Variants in PIBF1 observed in about 807,000 individuals in gnomAD.
PIBF1 encodes the protein progesterone immunomodulatory binding factor 1, also known as progesterone-induced-blocking factor 1.
PIBF1 carries 90 observed loss-of-function variants against 112.5 expected under a neutral mutation model. The observed-to-expected ratio is 0.80, with a 90% confidence interval of 0.67 to 0.95. PIBF1 has a LOEUF of 0.95. Among genes scored for constraint, PIBF1 ranks in the 40% least tolerant of loss-of-function variants. The pLI is 0.00. For missense variants in PIBF1, 915 were observed against 852.3 expected (o/e 1.07, Z -0.92); for synonymous variants, 301 against 288.6 (o/e 1.04, Z -0.44).
At chr13:72,949,679 A>G (rs2042246986) in intron 14 of PIBF1, among the ~76,000 whole-genome samples, 1 of 152,272 alleles carries the variant, frequency 6.6e-6, no homozygotes, top group Middle Eastern at 3.4e-3. Flanking sequence ...TTACATAGCA[A>G]CCCAGTGCCC....
chr13:72,974,992 A>T (rs1426832802), intron 16 of PIBF1, among the ~76,000 whole-genome samples: 2 of 152,046 alleles, frequency 1.3e-5, no homozygotes, highest in African/African-American at 4.8e-5. Context: ...TTTTCTACTG[A>T]ACTATCACTG....
rs139149905 is a variant in PIBF1, at chr13:72,838,278, A to G, written c.1223+2910A>G. 1.5e-3 allele frequency among the ~76,000 whole-genome samples: 221 copies of G among 152,346 alleles called. 1 individual carries two copies. Among genetic ancestry groups the G allele is most frequent in the African/African-American group, 4.8e-3 (199 of 41,578 alleles). On this transcript the variant is annotated intron_variant, in intron 9 of 17. Transcript: ENST00000326291. The stretch of plus-strand genomic sequence containing the variant: ...AAAGACAAATAGAGAAACAATTATC[A>G]TAAGTATGATGATGATGGACAAAAT...
At chr13:72,965,014 A>G (rs992309974) in intron 14 of PIBF1, among the ~76,000 whole-genome samples, 6 of 152,212 alleles carry the variant, frequency 3.9e-5, no homozygotes, top group Non-Finnish European at 8.8e-5. Flanking sequence ...GTGAGCCGAG[A>G]TCGCGCCACT....
intron 14 of PIBF1, among the ~76,000 whole-genome samples, chr13:72,952,727 C>A (rs891948087): frequency 1.2e-4 from 18 of 149,206 alleles, no homozygotes; most frequent in African/African-American, 4.0e-4. Flanking sequence ...TGTGAAGACT[C>A]TGAGTTCCTT....
chr13:72,816,524 A>G (rs992487882), intron 5 of PIBF1, among the ~76,000 whole-genome samples: 1 of 151,906 alleles, frequency 6.6e-6, no homozygotes, highest in Non-Finnish European at 1.5e-5. Flanking sequence ...CTAACTGAGC[A>G]TGGTGGCATG....
intron 5 of PIBF1, among the ~76,000 whole-genome samples, chr13:72,807,768 C>A (rs1211284257): frequency 1.3e-5 from 2 of 152,064 alleles, no homozygotes; most frequent in Non-Finnish European, 2.9e-5. Flanking sequence ...CTTATATTCC[C>A]AAAATTAGCA....
intron 6 of PIBF1, 38 bp downstream of exon 6, chr13:72,822,020 T>A: frequency 6.5e-7 from 1 of 1,548,240 alleles, no homozygotes; most frequent in Non-Finnish European, 8.7e-7. Flanking sequence ...AGTTCTCTAT[T>A]TTTAGGGTGC....
At chr13:72,884,582 AAATT>A (rs1218425068) in intron 10 of PIBF1, 1 of 152,208 alleles carries the variant, frequency 6.6e-6, no homozygotes, top group Non-Finnish European at 1.5e-5. Context: ...TTGTTTAATT[AAATT>A]AATACTGAGT....
At chr13:72,921,698 T>C (rs2041299698) in intron 13 of PIBF1, among the ~76,000 whole-genome samples, 1 of 152,188 alleles carries the variant, frequency 6.6e-6, no homozygotes, top group Non-Finnish European at 1.5e-5. Context: ...CTGAAAAATA[T>C]CATTAGTTGC....
At chr13:72,828,919 A>G (rs578135280) in intron 8 of PIBF1, among the ~76,000 whole-genome samples, 48 of 152,230 alleles carry the variant, frequency 3.2e-4, no homozygotes, top group Non-Finnish European at 4.9e-4. Context: ...AAGCATTCCT[A>G]TTTCTCCACA....
intron 7 of PIBF1, 129 bp from the exon 8 acceptor site, chr13:72,827,604 A>C (rs2036879433): frequency 1.9e-6 from 1 of 524,016 alleles, no homozygotes; most frequent in Non-Finnish European, 3.3e-6. Flanking sequence ...GCATGCTAAG[A>C]ATTAGCCCTT....
intron 5 of PIBF1, among the ~76,000 whole-genome samples, chr13:72,817,710 A>G (rs1471061456): frequency 6.6e-6 from 1 of 152,160 alleles, no homozygotes; most frequent in Non-Finnish European, 1.5e-5. Context: ...TCTTCCCACA[A>G]AGGTTGATGC....
In PIBF1 at chr13:72,959,753, A is replaced by G. The variant is rs138382269; in HGVS notation, c.1834-5521A>G. On this transcript the variant is annotated intron_variant, in intron 14 of 17. Coordinates refer to ENST00000326291, the MANE Select transcript of PIBF1 (RefSeq NM_006346.4). ...TATAATGATGTTTTAATCAGGGGTT[A>G]CTTTTCTCTGAATCATATGTACAGG... 5.9e-4 allele frequency among the ~76,000 whole-genome samples: 90 copies of G among 152,342 alleles called. 1 individual carries two copies. Among genetic ancestry groups the G allele is most frequent in the African/African-American group, 2.1e-3 (87 of 41,596 alleles).
At position 73,015,894 on chromosome 13, in the gene PIBF1, C is replaced by A; in HGVS notation, c.2249C>A (p.Ser750Tyr). The change falls in exon 18 of 18, where the codon TCT becomes TAT. Residue 750 changes from serine to tyrosine, a missense_variant. Coordinates refer to ENST00000326291, the MANE Select transcript of PIBF1 (RefSeq NM_006346.4). Reference protein sequence around the residue: ...LFTKKEAPEWSKKQKMKT With the variant: ...LFTKKEAPEWYKKQKMKT ...ACTAAAAAAGAAGCACCTGAGTGGT[C>A]TAAGAAACAAAAGATGAAGACCTAG... The A allele has an allele frequency of 6.3e-7, 1 of 1,587,838 alleles. No individual in the cohort carries two copies. The highest frequency in any genetic ancestry group is 1.1e-5 in the South Asian group (1 of 87,356).
At chr13:72,809,776 G>T (rs1180827287) in intron 5 of PIBF1, among the ~76,000 whole-genome samples, 2 of 151,880 alleles carry the variant, frequency 1.3e-5, no homozygotes, top group Non-Finnish European at 2.9e-5. Flanking sequence ...TTTTAGTAGA[G>T]AGGGGTTTCA....
intron 10 of PIBF1, among the ~76,000 whole-genome samples, chr13:72,871,661 A>T (rs965132553): frequency 2.0e-5 from 3 of 152,040 alleles, no homozygotes; most frequent in Non-Finnish European, 2.9e-5. Flanking sequence ...CTTCCACATC[A>T]TCTTTTCCTA....
chr13:72,893,975 C>T (rs375888680), intron 11 of PIBF1, 26 bp downstream of exon 11: 123 of 1,272,734 alleles, frequency 9.7e-5, no homozygotes, highest in Non-Finnish European at 6.6e-5. Context: ...TTTCTTTCAA[C>T]ATTAGCATGG....
At chr13:72,792,991 A>G (rs940092812) in intron 3 of PIBF1, among the ~76,000 whole-genome samples, 3 of 152,238 alleles carry the variant, frequency 2.0e-5, no homozygotes, top group African/African-American at 7.2e-5. Flanking sequence ...TAATACAAAC[A>G]ATGAAATAAA....
At chr13:72,807,406 C>G (rs2035792924) in intron 5 of PIBF1, among the ~76,000 whole-genome samples, 1 of 152,046 alleles carries the variant, frequency 6.6e-6, no homozygotes, top group African/African-American at 2.4e-5. Context: ...AAAACTCCGT[C>G]TCTATTAAAA....
Sources: allele counts gnomAD v4.1 joint callset (sites outside exome capture counted in the v4.1 genomes callset), GRCh38; gene constraint gnomAD v4.1.1; transcripts MANE v1.5; gene names NCBI Gene and HGNC (gene_info 2026-07-23, HGNC 2026-07-21).